The following NKAIN2 variants were observed in gnomAD, a reference collection of about 807,000 sequenced individuals.
NKAIN2 encodes the protein sodium/potassium-transporting ATPase subunit beta-1-interacting protein 2.
NKAIN2 carries 14 observed loss-of-function variants against 32.6 expected under a neutral mutation model. That is an observed-to-expected ratio of 0.43 (90% confidence interval 0.28 to 0.67). The LOEUF is 0.67. NKAIN2 is among the 30% of genes least tolerant of loss of function. The pLI is 0.17. For synonymous variants in NKAIN2, 80 were observed against 87.2 expected, an observed-to-expected ratio of 0.92 and a Z score of 0.46; for missense variants, 198 against 258.3, an observed-to-expected ratio of 0.77 and a Z score of 1.60.
intron 2 of NKAIN2, among the ~76,000 whole-genome samples, chr6:124,289,859 GAAA>G (rs1463496501): frequency 6.6e-6 from 1 of 151,920 alleles, no homozygotes; most frequent in Non-Finnish European, 1.5e-5. Context: ...TTTTCTAGGA[GAAA>G]AAAATATCTG....
intron 1 of NKAIN2, among the ~76,000 whole-genome samples, chr6:124,219,283 CTT>C (rs5879720): frequency 4.5e-4 from 58 of 128,940 alleles, no homozygotes; most frequent in Middle Eastern, 4.0e-3. Context: ...TTCTTTTTTT[CTT>C]TTTTTTTTTT....
chr6:124,506,179 T>TA (rs57951162), intron 3 of NKAIN2, among the ~76,000 whole-genome samples: 69,317 of 147,138 alleles, frequency 0.47, 16,314 homozygotes, highest in South Asian at 0.59. Flanking sequence ...AGACTCCGTC[T>TA]AAAAAAAAAA....
chr6:124,358,238 G>A (rs1408609141), intron 3 of NKAIN2, among the ~76,000 whole-genome samples: 2 of 152,068 alleles, frequency 1.3e-5, no homozygotes, highest in Admixed American at 6.6e-5. Context: ...ATAAACATAC[G>A]TGTGCATGTG....
At chr6:124,495,829 C>A (rs750471517) in intron 3 of NKAIN2, among the ~76,000 whole-genome samples, 15 of 152,096 alleles carry the variant, frequency 9.9e-5, no homozygotes, top group Non-Finnish European at 2.1e-4. Flanking sequence ...GTAGAGCCAA[C>A]CCATAGATGA....
intron 3 of NKAIN2, among the ~76,000 whole-genome samples, chr6:124,440,889 T>C (rs1775659053): frequency 6.6e-6 from 1 of 152,062 alleles, no homozygotes. Context: ...CAAGTGGTTC[T>C]CTAGGAATGA....
chr6:124,761,221 A>T (rs992486168), intron 4 of NKAIN2, among the ~76,000 whole-genome samples: 3 of 152,186 alleles, frequency 2.0e-5, no homozygotes, highest in African/African-American at 7.2e-5. Flanking sequence ...CTATATTATC[A>T]TGCTAACACT....
intron 1 of NKAIN2, among the ~76,000 whole-genome samples, chr6:123,883,526 A>G (rs1020270256): frequency 2.6e-5 from 4 of 151,804 alleles, no homozygotes; most frequent in Non-Finnish European, 4.4e-5. Context: ...TGCTCCAGCC[A>G]TGTAAGATGT....
chr6:124,054,400 ATT>A (rs1226676776), intron 1 of NKAIN2, among the ~76,000 whole-genome samples: 4 of 152,214 alleles, frequency 2.6e-5, no homozygotes, highest in African/African-American at 9.6e-5. Context: ...AGCATTGAGA[ATT>A]GGACCAAGGG....
At chr6:124,700,877 C>CAT (rs1236647113) in intron 4 of NKAIN2, among the ~76,000 whole-genome samples, 1 of 150,508 alleles carries the variant, frequency 6.6e-6, no homozygotes, top group Admixed American at 6.6e-5. Flanking sequence ...TCCTGACACA[C>CAT]ACACACACAC....
intron 4 of NKAIN2, among the ~76,000 whole-genome samples, chr6:124,782,610 A>G (rs1008015708): frequency 6.6e-6 from 1 of 152,088 alleles, no homozygotes; most frequent in Non-Finnish European, 1.5e-5. Flanking sequence ...AATATTCAAT[A>G]TGGGCAAATT....
At chr6:124,250,449 A>G (rs950410141) in intron 1 of NKAIN2, among the ~76,000 whole-genome samples, 13 of 152,122 alleles carry the variant, frequency 8.5e-5, no homozygotes, top group African/African-American at 2.9e-4. Flanking sequence ...TTTTTAAAAC[A>G]TCTAGAAAAT....
chr6:124,623,400 A>T (rs1783184490), intron 3 of NKAIN2, among the ~76,000 whole-genome samples: 1 of 152,208 alleles, frequency 6.6e-6, no homozygotes, highest in Non-Finnish European at 1.5e-5. Context: ...TTATCAGTAG[A>T]AAACTAAAAT....
intron 1 of NKAIN2, among the ~76,000 whole-genome samples, chr6:123,836,246 G>A (rs942449020): frequency 2.0e-5 from 3 of 151,848 alleles, no homozygotes; most frequent in Non-Finnish European, 4.4e-5. Context: ...GAGTAGGCTG[G>A]ACAAAGTGAC....
chr6:124,259,076 G>T (rs1794095098), intron 1 of NKAIN2, among the ~76,000 whole-genome samples: 1 of 152,148 alleles, frequency 6.6e-6, no homozygotes, highest in Non-Finnish European at 1.5e-5. Flanking sequence ...CTGAGGAGGG[G>T]TTTACCTCAG....
intron 1 of NKAIN2, among the ~76,000 whole-genome samples, chr6:124,214,155 A>T (rs1288027030): frequency 6.6e-6 from 1 of 152,194 alleles, no homozygotes; most frequent in Admixed American, 6.6e-5. Flanking sequence ...AAATATTCTC[A>T]TCATAACTAG....
chr6:124,749,023 T>C (rs2114706416), intron 4 of NKAIN2, among the ~76,000 whole-genome samples: 1 of 152,068 alleles, frequency 6.6e-6, no homozygotes, highest in Non-Finnish European at 1.5e-5. Context: ...AGGGCTGCAT[T>C]CTTTTCCAGA....
At chr6:123,848,163 A>G (rs562814738) in intron 1 of NKAIN2, among the ~76,000 whole-genome samples, 144 of 152,334 alleles carry the variant, frequency 9.5e-4, no homozygotes, top group Admixed American at 2.5e-3. Flanking sequence ...GTGTGGCTGA[A>G]AGACAAAAGA....
At chr6:124,302,601 T>A (rs1482923081) in intron 2 of NKAIN2, among the ~76,000 whole-genome samples, 1 of 152,208 alleles carries the variant, frequency 6.6e-6, no homozygotes, top group East Asian at 1.9e-4. Flanking sequence ...TTTCTTATAT[T>A]ATCTTCAGGT....
chr6:124,079,575 A>G (rs978081610), intron 1 of NKAIN2, among the ~76,000 whole-genome samples: 3 of 152,294 alleles, frequency 2.0e-5, no homozygotes, highest in Admixed American at 6.5e-5. Flanking sequence ...AGCCTTTGAT[A>G]ATAAGGTGAT....
Sources: allele counts gnomAD v4.1 joint callset (sites outside exome capture counted in the v4.1 genomes callset), GRCh38; gene constraint gnomAD v4.1.1; transcripts MANE v1.5; gene names NCBI Gene and HGNC (gene_info 2026-07-23, HGNC 2026-07-21).